SLC25A13: variants seen among roughly 807,000 people sequenced by gnomAD.
The protein encoded by SLC25A13 is solute carrier family 25 member 13.
SLC25A13 carries 70 observed loss-of-function variants against 85.5 expected under a neutral mutation model. The ratio of observed to expected loss-of-function variants is 0.82; its 90% CI spans 0.68 to 1.00. SLC25A13 has a LOEUF of 1.00. SLC25A13 is among the 50% of genes least tolerant of loss of function. The pLI is 0.00. For missense variants in SLC25A13, 765 were observed against 819.8 expected (o/e 0.93, Z 0.82); for synonymous variants, 259 against 288.7 (o/e 0.90, Z 1.04).
intron 3 of SLC25A13, among the ~76,000 whole-genome samples, chr7:96,242,783 G>T (rs991055752): frequency 1.3e-5 from 2 of 152,062 alleles, no homozygotes; most frequent in Admixed American, 1.3e-4. Context: ...CACCTTTCTG[G>T]ACAGAATCAA....
rs1584378081 is a variant in SLC25A13, at chr7:96,151,657, A to AAT, written c.1312-4963_1312-4962dup. Among the ~76,000 whole-genome samples, 15 of 149,230 alleles carry AAT rather than the reference A, an allele frequency of 1.0e-4. No individual in the cohort carries two copies. The East Asian group carries it at 3.0e-3, about 30-fold the overall frequency. On this transcript the variant is annotated intron_variant, in intron 13 of 17. Transcript: ENST00000265631. ...TTATAAGGTAAGTAATAAGATAAATAATAGGTCGGGTGCAGTGACTCATGC... is the reference window on the plus strand; with the variant it reads ...TTATAAGGTAAGTAATAAGATAAATAATATAGGTCGGGTGCAGTGACTCATGC...
chr7:96,168,133 C>T (rs1362235783), intron 13 of SLC25A13, among the ~76,000 whole-genome samples: 1 of 84,392 alleles, frequency 1.2e-5, no homozygotes, highest in Non-Finnish European at 2.6e-5. Context: ...AAAAAAAGCA[C>T]GTGTGCACAC....
At chr7:96,187,604 A>G (rs549523188) in intron 9 of SLC25A13, among the ~76,000 whole-genome samples, 1 of 152,306 alleles carries the variant, frequency 6.6e-6, no homozygotes, top group South Asian at 2.1e-4. Context: ...AATACTCTGA[A>G]AATTATAGAG....
intron 9 of SLC25A13, among the ~76,000 whole-genome samples, chr7:96,187,762 A>G (rs1270546189): frequency 6.6e-6 from 1 of 152,200 alleles, no homozygotes; most frequent in East Asian, 1.9e-4. Context: ...TCCTCTGTCC[A>G]GGATAAATGC....
chr7:96,138,630 A>G (rs1022270117), intron 14 of SLC25A13, among the ~76,000 whole-genome samples: 1 of 151,498 alleles, frequency 6.6e-6, no homozygotes, highest in African/African-American at 2.4e-5. Flanking sequence ...GAACTCCTGC[A>G]CTCCCAAAGT....
At chr7:96,235,439 C>G (rs1796710597) in intron 3 of SLC25A13, among the ~76,000 whole-genome samples, 1 of 152,150 alleles carries the variant, frequency 6.6e-6, no homozygotes, top group African/African-American at 2.4e-5. Flanking sequence ...CAAGGGACTT[C>G]TAGTCTAGTG....
intron 9 of SLC25A13, among the ~76,000 whole-genome samples, chr7:96,187,283 C>T (rs1794676910): frequency 6.6e-6 from 1 of 152,286 alleles, no homozygotes; most frequent in East Asian, 1.9e-4. Context: ...AAATAATCAG[C>T]AACCCCAGCT....
chr7:96,259,268 A>G (rs1178532102), intron 3 of SLC25A13, among the ~76,000 whole-genome samples: 1 of 152,250 alleles, frequency 6.6e-6, no homozygotes, highest in Non-Finnish European at 1.5e-5. Flanking sequence ...CATCAGAGTG[A>G]ACAGGCAACC....
At chr7:96,141,432 A>G (rs1792557848) in intron 14 of SLC25A13, among the ~76,000 whole-genome samples, 1 of 152,228 alleles carries the variant, frequency 6.6e-6, no homozygotes, top group Non-Finnish European at 1.5e-5. Context: ...GGCACACAGT[A>G]AGCTCTCAAT....
intron 11 of SLC25A13, among the ~76,000 whole-genome samples, chr7:96,172,506 C>T (rs973646587): frequency 3.3e-5 from 5 of 151,516 alleles, no homozygotes; most frequent in Non-Finnish European, 7.4e-5. Flanking sequence ...TGCAGTGAGC[C>T]GAGATTGCAC....
chr7:96,267,980 G>T (rs749004294), intron 3 of SLC25A13, among the ~76,000 whole-genome samples: 22 of 152,132 alleles, frequency 1.4e-4, no homozygotes, highest in Non-Finnish European at 2.9e-4. Context: ...GGAGTGCAAA[G>T]AGGTTCCACA....
chr7:96,198,010 C>T (rs1286129827), intron 5 of SLC25A13, among the ~76,000 whole-genome samples: 3 of 152,122 alleles, frequency 2.0e-5, no homozygotes, highest in African/African-American at 7.2e-5. Flanking sequence ...GTAGCAGGTT[C>T]CCTGACACCA....
chr7:96,280,755 T>C (rs996200432), intron 2 of SLC25A13, among the ~76,000 whole-genome samples: 2 of 151,958 alleles, frequency 1.3e-5, no homozygotes, highest in South Asian at 2.1e-4. Flanking sequence ...TACCATGCCA[T>C]ACCCCCAAGA....
intron 5 of SLC25A13, among the ~76,000 whole-genome samples, chr7:96,208,244 C>T (rs1795534210): frequency 6.6e-6 from 1 of 152,130 alleles, no homozygotes; most frequent in Non-Finnish European, 1.5e-5. Flanking sequence ...TTGAGAAAAT[C>T]ACTTGATTTC....
At chr7:96,296,685 T>C (rs1221844858) in intron 2 of SLC25A13, among the ~76,000 whole-genome samples, 3 of 152,142 alleles carry the variant, frequency 2.0e-5, no homozygotes, top group African/African-American at 7.2e-5. Flanking sequence ...TTCACCATGT[T>C]GGCCAGGCTG....
chr7:96,264,111 C>T (rs563178867), intron 3 of SLC25A13, among the ~76,000 whole-genome samples: 1 of 152,286 alleles, frequency 6.6e-6, no homozygotes, highest in South Asian at 2.1e-4. Context: ...CTCCCTGGAA[C>T]CTCACCTACT....
At chr7:96,258,091 G>A (rs796348497) in intron 3 of SLC25A13, among the ~76,000 whole-genome samples, 4 of 152,112 alleles carry the variant, frequency 2.6e-5, no homozygotes, top group Admixed American at 6.6e-5. Flanking sequence ...AGCTATTTAC[G>A]ACAAACGGAC....
intron 15 of SLC25A13, among the ~76,000 whole-genome samples, chr7:96,127,261 A>C (rs545706822): frequency 6.6e-6 from 1 of 152,330 alleles, no homozygotes; most frequent in South Asian, 2.1e-4. Context: ...ATAGATAATT[A>C]GAATTTGATT....
chr7:96,237,631 G>T (rs1479017256), intron 3 of SLC25A13, among the ~76,000 whole-genome samples: 1 of 152,188 alleles, frequency 6.6e-6, no homozygotes, highest in Non-Finnish European at 1.5e-5. Flanking sequence ...GTGGGAGACA[G>T]CCTGGCAGCC....
Sources: allele counts gnomAD v4.1 joint callset (sites outside exome capture counted in the v4.1 genomes callset), GRCh38; gene constraint gnomAD v4.1.1; transcripts MANE v1.5; gene names NCBI Gene and HGNC (gene_info 2026-07-23, HGNC 2026-07-21).